The following PTPRK variants were observed in gnomAD, a reference collection of about 807,000 sequenced individuals.
PTPRK encodes receptor-type tyrosine-protein phosphatase kappa.
Under a neutral mutation model 178.0 loss-of-function variants are expected in PTPRK, and 75 were observed. That is an observed-to-expected ratio of 0.42 (90% CI 0.35 to 0.51). PTPRK has a LOEUF of 0.51. Ranked by LOEUF, PTPRK falls within the 20% of genes least tolerant of loss-of-function variation. The pLI is 0.02. For synonymous variants in PTPRK, 637 were observed against 620.6 expected (o/e 1.03, Z -0.39); for missense variants, 1,441 against 1,797.8 (o/e 0.80, Z 3.59).
rs532578780 is a variant in PTPRK at position 128,375,518 on chromosome 6, G to A, written c.223+22048C>T. 2.0e-5 allele frequency among the ~76,000 whole-genome samples: 3 copies of A among 152,152 alleles called. No homozygotes were observed. The East Asian group carries it at 5.8e-4, about 29-fold the overall frequency. ...CCACTGGGTCCCTCCCACAACACATGGGAATTATGGGAGCTACAAGATGAG... is the reference window on the plus strand; with the variant it reads ...CCACTGGGTCCCTCCCACAACACATAGGAATTATGGGAGCTACAAGATGAG... On this transcript the variant is annotated intron_variant, in intron 2 of 29. Coordinates refer to ENST00000368226, the MANE Select transcript of PTPRK (RefSeq NM_002844.4).
intron 3 of PTPRK, among the ~76,000 whole-genome samples, chr6:128,315,052 C>T (rs962835212): frequency 2.0e-5 from 3 of 151,990 alleles, no homozygotes; most frequent in Non-Finnish European, 4.4e-5. Context: ...AAACAAAACA[C>T]AGAAATTCAT....
intron 7 of PTPRK, among the ~76,000 whole-genome samples, chr6:128,160,842 T>C (rs1443204352): frequency 6.6e-6 from 1 of 151,604 alleles, no homozygotes; most frequent in African/African-American, 2.4e-5. Context: ...TGTTACAAGA[T>C]GAACTTAATA....
chr6:128,114,270 T>C (rs1230890400), intron 7 of PTPRK, among the ~76,000 whole-genome samples: 1 of 151,968 alleles, frequency 6.6e-6, no homozygotes, highest in Non-Finnish European at 1.5e-5. Flanking sequence ...AAGGCATGTA[T>C]TACATGACGG....
chr6:128,057,948 C>A (rs4895829), intron 13 of PTPRK, among the ~76,000 whole-genome samples: 2 of 152,120 alleles, frequency 1.3e-5, no homozygotes, highest in East Asian at 1.9e-4. Context: ...TTGTTGTCTG[C>A]CTTTTACTCA....
chr6:128,223,153 T>TTA (rs1810708903), intron 5 of PTPRK, among the ~76,000 whole-genome samples: 1 of 150,164 alleles, frequency 6.7e-6, no homozygotes, highest in Admixed American at 6.6e-5. Context: ...CATGTCTCAT[T>TTA]TATATATATT....
intron 1 of PTPRK, among the ~76,000 whole-genome samples, chr6:128,465,306 T>A (rs1015418301): frequency 5.9e-5 from 9 of 152,170 alleles, no homozygotes; most frequent in African/African-American, 2.2e-4. Flanking sequence ...AAAATAATTG[T>A]AAAACTTTGA....
intron 2 of PTPRK, among the ~76,000 whole-genome samples, chr6:128,324,254 C>T (rs75550080): frequency 0.013 from 2,044 of 152,096 alleles, 47 homozygotes; most frequent in African/African-American, 0.045. Flanking sequence ...TCAATTATGG[C>T]TTCTGAATGT....
At chr6:128,000,145 C>T (rs1777635690) in intron 15 of PTPRK, 1 of 994,394 alleles carries the variant, frequency 1.0e-6, no homozygotes, top group Non-Finnish European at 1.2e-6. Flanking sequence ...TACTCATTAA[C>T]AGAAGAGAAA....
intron 2 of PTPRK, among the ~76,000 whole-genome samples, chr6:128,371,373 T>C (rs1192949348): frequency 6.6e-6 from 1 of 152,248 alleles, no homozygotes; most frequent in African/African-American, 2.4e-5. Context: ...TAGCATATGA[T>C]AATTTTACGT....
At chr6:128,348,040 A>T (rs1832646443) in intron 2 of PTPRK, among the ~76,000 whole-genome samples, 1 of 152,060 alleles carries the variant, frequency 6.6e-6, no homozygotes, top group African/African-American at 2.4e-5. Flanking sequence ...TATGGCTTTC[A>T]AGTACAGATC....
intron 13 of PTPRK, among the ~76,000 whole-genome samples, chr6:128,015,450 C>T (rs959986704): frequency 7.9e-5 from 12 of 151,788 alleles, no homozygotes; most frequent in African/African-American, 2.9e-4. Context: ...GAATTCTCCA[C>T]CCCACCTTCG....
At chr6:128,468,820 A>T (rs990028470) in intron 1 of PTPRK, among the ~76,000 whole-genome samples, 1 of 150,524 alleles carries the variant, frequency 6.6e-6, no homozygotes. Context: ...ACAAATTCCA[A>T]TGTTTCTGTT....
At chr6:128,021,331 T>G (rs1773468956) in intron 13 of PTPRK, among the ~76,000 whole-genome samples, 1 of 152,202 alleles carries the variant, frequency 6.6e-6, no homozygotes, top group Non-Finnish European at 1.5e-5. Context: ...TTGGACCCTT[T>G]TGATAAGAAA....
At chr6:128,113,802 G>A (rs1791055258) in intron 7 of PTPRK, among the ~76,000 whole-genome samples, 1 of 151,932 alleles carries the variant, frequency 6.6e-6, no homozygotes, top group African/African-American at 2.4e-5. Flanking sequence ...ACCTCACAAG[G>A]AAGAAGTCAC....
intron 1 of PTPRK, among the ~76,000 whole-genome samples, chr6:128,483,143 T>C (rs987185655): frequency 1.3e-5 from 2 of 152,200 alleles, no homozygotes; most frequent in African/African-American, 4.8e-5. Flanking sequence ...TTGAGCAAAG[T>C]AGTACCTTAT....
At chr6:128,278,695 T>C (rs1821183285) in intron 3 of PTPRK, among the ~76,000 whole-genome samples, 1 of 152,194 alleles carries the variant, frequency 6.6e-6, no homozygotes, top group Non-Finnish European at 1.5e-5. Context: ...TTAATATTAT[T>C]ATCAAACACT....
rs186473267 is a variant in PTPRK at position 128,048,498 on chromosome 6, C to T, written c.2194+16260G>A. On this transcript the variant is annotated intron_variant, in intron 13 of 29. Transcript: ENST00000368226. ...CATTCCCTTCAGGTTTCTGCTGAAACATTACCTCACCAGCGAGACTTTCTC... is the reference window on the plus strand; with the variant it reads ...CATTCCCTTCAGGTTTCTGCTGAAATATTACCTCACCAGCGAGACTTTCTC... Among the ~76,000 whole-genome samples, 11 of 152,294 alleles carry T rather than the reference C, an allele frequency of 7.2e-5. No homozygotes were observed. In the East Asian group the frequency reaches 2.1e-3, roughly 29 times the overall value.
At chr6:128,146,007 T>C (rs1172050728) in intron 7 of PTPRK, among the ~76,000 whole-genome samples, 3 of 152,196 alleles carry the variant, frequency 2.0e-5, no homozygotes, top group Admixed American at 6.6e-5. Flanking sequence ...TCTTTCTCTG[T>C]ACAAATGCAA....
At chr6:128,264,219 G>A (rs189305310) in intron 3 of PTPRK, among the ~76,000 whole-genome samples, 3 of 152,200 alleles carry the variant, frequency 2.0e-5, no homozygotes, top group Admixed American at 1.3e-4. Flanking sequence ...ATTATTTGGA[G>A]TATTGTACTA....
Sources: gnomAD v4.1 joint callset for allele counts (sites outside exome capture counted in the v4.1 genomes callset) on GRCh38, gnomAD v4.1.1 for gene constraint, MANE v1.5 for transcripts, NCBI Gene and HGNC (gene_info 2026-07-23, HGNC 2026-07-21) for gene names.